The following KCNN2 variants were observed in gnomAD, a reference collection of about 807,000 sequenced individuals.
KCNN2 encodes small conductance calcium-activated potassium channel protein 2.
In KCNN2, 24 loss-of-function variants were observed where a neutral mutation model predicts 55.5. That is an observed-to-expected ratio of 0.43 (90% CI 0.31 to 0.61). KCNN2 has a LOEUF of 0.61. Among genes scored for constraint, KCNN2 ranks in the 20% least tolerant of loss-of-function variants. The pLI is 0.08. For synonymous variants in KCNN2, 431 were observed against 336.1 expected (o/e 1.28, Z -3.09); for missense variants, 754 against 853.6 (o/e 0.88, Z 1.45).
intron 2 of KCNN2, among the ~76,000 whole-genome samples, chr5:114,323,590 A>G (rs1351348456): frequency 6.7e-6 from 1 of 149,096 alleles, no homozygotes; most frequent in Non-Finnish European, 1.5e-5. Flanking sequence ...TTCTCTTTGG[A>G]AAACATGACA....
chr5:114,477,821 A>T (rs74601936), intron 5 of KCNN2, among the ~76,000 whole-genome samples: 4,465 of 152,304 alleles, frequency 0.029, 108 homozygotes, highest in Non-Finnish European at 0.043. Context: ...CCCACAAAGG[A>T]TAATTATACA....
chr5:114,142,946 C>T (rs181563151), intron 1 of KCNN2, among the ~76,000 whole-genome samples: 63 of 152,260 alleles, frequency 4.1e-4, no homozygotes, highest in African/African-American at 1.4e-3. Context: ...GGAGGCATCA[C>T]GCTACCTGTA....
intron 2 of KCNN2, among the ~76,000 whole-genome samples, chr5:114,397,809 T>C (rs1026735239): frequency 6.6e-6 from 1 of 152,256 alleles, no homozygotes; most frequent in African/African-American, 2.4e-5. Flanking sequence ...TTTCATATGC[T>C]TGTTGGCTGC....
At chr5:114,317,852 C>T (rs1267306284) in intron 2 of KCNN2, among the ~76,000 whole-genome samples, 2 of 152,234 alleles carry the variant, frequency 1.3e-5, no homozygotes, top group Non-Finnish European at 2.9e-5. Context: ...TTCTTAGCGA[C>T]TGCCTGCCGC....
At chr5:114,401,389 G>A (rs141164084) in intron 2 of KCNN2, among the ~76,000 whole-genome samples, 14 of 152,102 alleles carry the variant, frequency 9.2e-5, no homozygotes, top group East Asian at 7.7e-4. Context: ...ATTATGCTTC[G>A]GTATTCTCAG....
chr5:114,283,780 C>T (rs1422211683), intron 2 of KCNN2, among the ~76,000 whole-genome samples: 4 of 152,164 alleles, frequency 2.6e-5, no homozygotes, highest in Non-Finnish European at 5.9e-5. Context: ...CAAATTAAGG[C>T]TTGAGGACTT....
chr5:114,112,181 A>T (rs1413753827), intron 1 of KCNN2, among the ~76,000 whole-genome samples: 3 of 152,162 alleles, frequency 2.0e-5, no homozygotes, highest in African/African-American at 7.2e-5. Context: ...CTTTGTAGGG[A>T]CATGGATGAA....
In KCNN2 at chr5:114,362,872, C is replaced by A. The variant is rs765057215; in HGVS notation, c.733C>A (p.Pro245Thr). The A allele has an allele frequency of 2.5e-6, 4 of 1,598,640 alleles. No individual in the cohort carries two copies. Among genetic ancestry groups the A allele is most frequent in the Non-Finnish European group, 3.4e-6 (4 of 1,178,630 alleles). ...GCACGAGATGGACTCAGAGGCGCAG[C>A]CCCTGCAGCCCCCCGCGTCTGTCGG... is the stretch of plus-strand genomic sequence containing the variant. ...NLHEMDSEAQ[P>T]LQPPASVGGG... Residue 245 changes from proline to threonine, a missense_variant, in exon 1 of 8, where the codon CCC becomes ACC. This residue lies in a region of KCNN2 where 381 missense variants were observed against 259.1 expected (regional missense o/e 1.47). Transcript: ENST00000673685.
chr5:114,335,049 G>A (rs567068004), intron 2 of KCNN2, among the ~76,000 whole-genome samples: 1 of 152,008 alleles, frequency 6.6e-6, no homozygotes, highest in Non-Finnish European at 1.5e-5. Flanking sequence ...TCAGCCTCCC[G>A]AGTAGCTGGG....
In KCNN2 at chr5:114,370,845, GA is replaced by G. The variant is rs1757742933; in HGVS notation, c.1218+6847del. ...CCCCCACCCCTCCCACATGCAGTGGGAAAGTCAGTAAAGAGTTTAAAGCAGG... is the reference window on the plus strand; with the variant it reads ...CCCCCACCCCTCCCACATGCAGTGGGAAGTCAGTAAAGAGTTTAAAGCAGG... On this transcript the variant is annotated intron_variant, in intron 2 of 7. Transcript: ENST00000673685. 2.0e-5 allele frequency among the ~76,000 whole-genome samples: 3 copies of G among 152,150 alleles called. No homozygotes were observed. The South Asian group carries it at 6.2e-4, about 31-fold the overall frequency.
chr5:114,096,407 A>G (rs1751256350), intron 1 of KCNN2, among the ~76,000 whole-genome samples: 1 of 152,154 alleles, frequency 6.6e-6, no homozygotes, highest in African/African-American at 2.4e-5. Flanking sequence ...CTCAATTTAC[A>G]AGTTCTATTA....
intron 2 of KCNN2, among the ~76,000 whole-genome samples, chr5:114,324,512 G>T (rs971440012): frequency 2.6e-4 from 40 of 152,266 alleles, no homozygotes; most frequent in African/African-American, 9.6e-4. Flanking sequence ...GAAAATAGAT[G>T]GCCTCTAGAA....
At chr5:114,072,082 C>T (rs1182003516) in intron 1 of KCNN2, among the ~76,000 whole-genome samples, 3 of 152,078 alleles carry the variant, frequency 2.0e-5, no homozygotes, top group Non-Finnish European at 2.9e-5. Flanking sequence ...CACCTGAGGT[C>T]GGGAGTTCAA....
chr5:114,156,793 T>A (rs1377723470), intron 1 of KCNN2, among the ~76,000 whole-genome samples: 1 of 152,056 alleles, frequency 6.6e-6, no homozygotes, highest in Non-Finnish European at 1.5e-5. Flanking sequence ...TTTATTAATA[T>A]GTTGTAAGAT....
At chr5:114,316,219 G>A (rs993954637) in intron 2 of KCNN2, among the ~76,000 whole-genome samples, 1 of 152,040 alleles carries the variant, frequency 6.6e-6, no homozygotes, top group African/African-American at 2.4e-5. Context: ...AAAATTAATA[G>A]GTGTGGATTG....
intron 2 of KCNN2, among the ~76,000 whole-genome samples, chr5:114,292,954 T>C (rs1266273660): frequency 6.6e-6 from 1 of 152,216 alleles, no homozygotes; most frequent in Non-Finnish European, 1.5e-5. Flanking sequence ...TTTGAAGCAA[T>C]TGTGAATGGG....
chr5:114,062,916 T>G (rs1750361944), intron 1 of KCNN2, among the ~76,000 whole-genome samples: 1 of 152,176 alleles, frequency 6.6e-6, no homozygotes, highest in Admixed American at 6.5e-5. Flanking sequence ...CCAAGCTAAT[T>G]CAAAAGAGCA....
intron 1 of KCNN2, among the ~76,000 whole-genome samples, chr5:114,127,237 C>T (rs1004088465): frequency 9.9e-5 from 15 of 152,066 alleles, no homozygotes; most frequent in African/African-American, 1.4e-4. Context: ...CTGGGGGCTC[C>T]GGCTCCACAT....
intron 1 of KCNN2, among the ~76,000 whole-genome samples, chr5:114,185,560 G>C (rs1418085225): frequency 6.6e-6 from 1 of 152,152 alleles, no homozygotes; most frequent in Admixed American, 6.5e-5. Flanking sequence ...CCTTGTGGAG[G>C]ATCCCTGTTT....
Sources: allele counts gnomAD v4.1 joint callset (sites outside exome capture counted in the v4.1 genomes callset), GRCh38; gene constraint gnomAD v4.1.1; regional missense constraint gnomAD v4.1.1; transcripts MANE v1.5; gene names NCBI Gene and HGNC (gene_info 2026-07-23, HGNC 2026-07-21).